Variants in CEP85L observed in about 807,000 individuals in gnomAD.
CEP85L encodes centrosomal protein 85L.
Under a neutral mutation model 100.3 loss-of-function variants are expected in CEP85L, and 60 were observed. The ratio of observed to expected loss-of-function variants is 0.60; its 90% CI spans 0.49 to 0.74. CEP85L has a LOEUF of 0.74. CEP85L is among the 30% of genes least tolerant of loss of function. CEP85L has a pLI of 0.00. For synonymous variants in CEP85L, 319 were observed against 322.7 expected (o/e 0.99, Z 0.12); for missense variants, 973 against 936.2 (o/e 1.04, Z -0.51).
intron 2 of CEP85L, among the ~76,000 whole-genome samples, chr6:118,594,036 T>C (rs543620116): frequency 1.3e-5 from 2 of 152,306 alleles, no homozygotes; most frequent in South Asian, 4.1e-4. Context: ...GTCCCTCTGT[T>C]GTCTATCCCT....
chr6:118,466,658 G>C (rs1772544042), intron 12 of CEP85L, among the ~76,000 whole-genome samples: 1 of 152,128 alleles, frequency 6.6e-6, no homozygotes, highest in East Asian at 1.9e-4. Context: ...TAAAATGGTA[G>C]AGTACAAACT....
intron 3 of CEP85L, among the ~76,000 whole-genome samples, chr6:118,552,816 C>T (rs1778629339): frequency 6.6e-6 from 1 of 152,068 alleles, no homozygotes; most frequent in Admixed American, 6.6e-5. Context: ...ATAAGATACT[C>T]TGTGGATACT....
chr6:118,637,712 A>AAAG (rs1774600592), intron 1 of CEP85L, among the ~76,000 whole-genome samples: 1 of 150,516 alleles, frequency 6.6e-6, no homozygotes, highest in African/African-American at 2.4e-5. Flanking sequence ...TCAAAAAAAA[A>AAAG]AAAAAAAAAA....
At chr6:118,477,973 A>T (rs1773508337) in intron 10 of CEP85L, among the ~76,000 whole-genome samples, 2 of 152,144 alleles carry the variant, frequency 1.3e-5, no homozygotes, top group South Asian at 4.1e-4. Flanking sequence ...TGGAAAGGAC[A>T]TCATAATCTA....
At chr6:118,521,642 T>C (rs1361648063) in intron 4 of CEP85L, among the ~76,000 whole-genome samples, 4 of 152,158 alleles carry the variant, frequency 2.6e-5, no homozygotes, top group Non-Finnish European at 5.9e-5. Context: ...GTTCTGAGTC[T>C]AAGCTTCAAG....
intron 2 of CEP85L, among the ~76,000 whole-genome samples, chr6:118,613,812 T>C (rs1393790208): frequency 2.1e-5 from 3 of 146,266 alleles, no homozygotes; most frequent in Admixed American, 1.3e-4. Context: ...TTCTACCAAA[T>C]GTATAAAAAA....
intron 1 of CEP85L, among the ~76,000 whole-genome samples, chr6:118,659,487 A>G (rs2115403649): frequency 6.6e-6 from 1 of 152,342 alleles, no homozygotes; most frequent in Middle Eastern, 3.4e-3. Flanking sequence ...TGCGAAAGAT[A>G]GCTGAAGGAT....
intron 3 of CEP85L, among the ~76,000 whole-genome samples, chr6:118,537,160 AAT>A (rs1315050478): frequency 1.5e-4 from 23 of 152,316 alleles, no homozygotes; most frequent in Admixed American, 1.2e-3. Context: ...CACTGTAACC[AAT>A]ATAAGTAATC....
chr6:118,606,636 C>T (rs781040000), intron 2 of CEP85L, among the ~76,000 whole-genome samples: 11 of 152,206 alleles, frequency 7.2e-5, no homozygotes, highest in Non-Finnish European at 1.6e-4. Flanking sequence ...CTCCCAAGGA[C>T]GTAAAACAAG....
At chr6:118,522,435 T>C (rs1186897991) in intron 4 of CEP85L, among the ~76,000 whole-genome samples, 2 of 152,202 alleles carry the variant, frequency 1.3e-5, no homozygotes, top group African/African-American at 4.8e-5. Context: ...TACTTATTCG[T>C]ATATAACATT....
At chr6:118,475,347 ATTTTTT>A (rs34878583) in intron 10 of CEP85L, among the ~76,000 whole-genome samples, 26 of 79,038 alleles carry the variant, frequency 3.3e-4, no homozygotes, top group African/African-American at 1.2e-3. Flanking sequence ...TGTAGGTGAC[ATTTTTT>A]TTTTTTTTTT....
At chr6:118,537,572 C>T (rs914044189) in intron 3 of CEP85L, 1 of 985,204 alleles carries the variant, frequency 1.0e-6, no homozygotes, top group Non-Finnish European at 1.2e-6. Context: ...GTAAGGATAG[C>T]AGGCATCTAC....
In CEP85L at chr6:118,463,168, CAAATA is replaced by C. The variant is rs1232628430; in HGVS notation, c.*2232_*2236del. 1.3e-5 allele frequency: 2 copies of C among 151,534 alleles called. No homozygotes were observed. Among genetic ancestry groups the C allele is most frequent in the Non-Finnish European group, 3.0e-5 (2 of 67,770 alleles). The allele number at this position is 151,534 out of a possible 1,614,324, so 9.4% of individuals were successfully genotyped here. On this transcript the variant is annotated 3_prime_UTR_variant, in exon 13 of 13. Transcript: ENST00000368491. ...CTCTAAGTTTTAGAAAGCTAACTTACAAATAAATTATTTTATCCCCAACTAAGCCA... is the reference window on the plus strand; with the variant it reads ...CTCTAAGTTTTAGAAAGCTAACTTACAATTATTTTATCCCCAACTAAGCCA...
chr6:118,633,468 T>C (rs543041115), intron 1 of CEP85L, among the ~76,000 whole-genome samples: 6 of 152,344 alleles, frequency 3.9e-5, no homozygotes, highest in East Asian at 1.9e-4. Context: ...CCTCCCAAAG[T>C]GCTGGGATTG....
chr6:118,671,626 G>A (rs188263322), intron 1 of CEP85L, among the ~76,000 whole-genome samples: 1 of 152,144 alleles, frequency 6.6e-6, no homozygotes, highest in East Asian at 1.9e-4. Context: ...GTACCATTTC[G>A]AATTCATCAT....
intron 5 of CEP85L, among the ~76,000 whole-genome samples, chr6:118,500,589 G>C (rs1775228646): frequency 7.6e-6 from 1 of 132,046 alleles, no homozygotes; most frequent in African/African-American, 2.8e-5. Flanking sequence ...AAAGCTCAAG[G>C]ACCCTGTCCA....
At chr6:118,616,982 G>C (rs1232597442) in intron 2 of CEP85L, among the ~76,000 whole-genome samples, 2 of 150,280 alleles carry the variant, frequency 1.3e-5, no homozygotes, top group Non-Finnish European at 3.0e-5. Context: ...GGGATCACTT[G>C]AGCCCAGGAG....
chr6:118,513,660 C>T (rs965671144), intron 4 of CEP85L, among the ~76,000 whole-genome samples: 1 of 151,890 alleles, frequency 6.6e-6, no homozygotes, highest in Non-Finnish European at 1.5e-5. Context: ...ATACTTCACC[C>T]ACAGAAAATA....
chr6:118,689,578 T>C (rs912159762), intron 1 of CEP85L, among the ~76,000 whole-genome samples: 1 of 152,228 alleles, frequency 6.6e-6, no homozygotes, highest in South Asian at 2.1e-4. Context: ...AATTAATGAC[T>C]ACAGTGCTAA....
Sources: gnomAD v4.1 joint callset for allele counts (sites outside exome capture counted in the v4.1 genomes callset) on GRCh38, gnomAD v4.1.1 for gene constraint, MANE v1.5 for transcripts, NCBI Gene and HGNC (gene_info 2026-07-23, HGNC 2026-07-21) for gene names.